CDH5: variants seen among roughly 807,000 people sequenced by gnomAD.
CDH5 encodes cadherin-5.
A neutral mutation model predicts 62.0 loss-of-function variants in CDH5; 28 were observed. The ratio of observed to expected loss-of-function variants is 0.45; its 90% CI spans 0.33 to 0.62. The LOEUF is 0.62. Among genes scored for constraint, CDH5 ranks in the 20% least tolerant of loss-of-function variants. CDH5 has a pLI of 0.02. For synonymous variants in CDH5, 464 were observed against 445.8 expected (o/e 1.04, Z -0.52); for missense variants, 940 against 1,065.1 (o/e 0.88, Z 1.63).
chr16:66,382,431 AT>A (rs1960913471), intron 2 of CDH5, among the ~76,000 whole-genome samples: 1 of 152,126 alleles, frequency 6.6e-6, no homozygotes, highest in African/African-American at 2.4e-5. Context: ...GAAAACCAGC[AT>A]TCCTGACTCT....
chr16:66,400,696 G>A (rs1222871501), intron 10 of CDH5, 75 bp from the exon 11 acceptor site: 2 of 1,589,216 alleles, frequency 1.3e-6, no homozygotes, highest in African/African-American at 1.3e-5. Flanking sequence ...CAGTCAGGGA[G>A]GGCTTCCTGG....
At chr16:66,385,765 A>C (rs2344565) in intron 2 of CDH5, among the ~76,000 whole-genome samples, 24,285 of 152,276 alleles carry the variant, frequency 0.16, 2,254 homozygotes, top group South Asian at 0.27. Flanking sequence ...CAAAACAATT[A>C]GGAAGCGATG....
At chr16:66,394,053 T>C (rs187054706) in intron 7 of CDH5, among the ~76,000 whole-genome samples, 9 of 152,298 alleles carry the variant, frequency 5.9e-5, no homozygotes, top group Non-Finnish European at 1.2e-4. Flanking sequence ...GTTTTTTTTG[T>C]TTTGCTTTAG....
At position 66,379,553 on chromosome 16, in the gene CDH5, G is replaced by T. The variant is rs1210366146; in HGVS notation, c.210+6G>T. 3 of 1,613,656 alleles carry T rather than the reference G, an allele frequency of 1.9e-6. No homozygotes were observed. The highest frequency in any genetic ancestry group is 2.2e-5 in the East Asian group (1 of 44,898). ...TTCCCCATCATGTAGGCAAGGTAAGGCTCAAGCCCCAGGACAGGAGAAGCC... is the reference window on the plus strand; with the variant it reads ...TTCCCCATCATGTAGGCAAGGTAAGTCTCAAGCCCCAGGACAGGAGAAGCC... On this transcript the variant is annotated splice_donor_region_variant and intron_variant, in intron 2 of 11. Transcript: ENST00000341529.
intron 2 of CDH5, among the ~76,000 whole-genome samples, chr16:66,386,418 C>T (rs1246393053): frequency 2.6e-5 from 4 of 152,162 alleles, no homozygotes; most frequent in African/African-American, 4.8e-5. Flanking sequence ...TGTCTACCCT[C>T]GCCCTCATCC....
intron 6 of CDH5, 90 bp downstream of exon 6, chr16:66,390,680 G>C (rs904620410): frequency 8.2e-7 from 1 of 1,214,612 alleles, no homozygotes; most frequent in South Asian, 1.4e-5. Flanking sequence ...CTGGGCCAGA[G>C]ACCATCAAAG....
In CDH5 at chr16:66,379,457, C is replaced by T; in HGVS notation, c.120C>T (p.Pro40=). 6.2e-7 allele frequency: 1 copy of T among 1,614,216 alleles called. No homozygotes were observed. The change falls in exon 2 of 12, where the codon CCC becomes CCT. Residue 40 remains proline (P), a synonymous_variant. Coordinates refer to ENST00000341529, the MANE Select transcript of CDH5 (RefSeq NM_001795.5). ...PAQRDTHSLL[P]THRRQKRDWI... ...AACGGGACACCCACAGCCTGCTGCC[C>T]ACCCACCGGCGCCAAAAGAGAGATT...
In CDH5 at chr16:66,402,675, C is replaced by T. The variant is rs201864402; in HGVS notation, c.1861C>T (p.Arg621Trp). The T allele has an allele frequency of 6.9e-6, 11 of 1,600,818 alleles. No individual in the cohort carries two copies. The East Asian group carries it at 2.0e-4, about 29-fold the overall frequency. ...AGTGATCACCCTGCTCATCTTCCTG[C>T]GGCGGCGGCTCCGGAAGCAGGCCCG... The part of the protein sequence containing the change: ...ITVITLLIFL[R>W]RRLRKQARAH... The change falls in exon 12 of 12, where the codon CGG (arginine) becomes TGG (tryptophan). Residue 621 changes from arginine (R) to tryptophan (W), a missense_variant. Physicochemically the swap from Arg to Trp is moderately radical, Grantham distance 101 (BLOSUM62 -3). Coordinates refer to ENST00000341529, the MANE Select transcript of CDH5 (RefSeq NM_001795.5).
At chr16:66,390,622 T>C in intron 6 of CDH5, 32 bp downstream of exon 6, 2 of 1,604,468 alleles carry the variant, frequency 1.2e-6, no homozygotes, top group Non-Finnish European at 1.7e-6. Flanking sequence ...ATGTCAAACG[T>C]GAGGCTTGGG....
At chr16:66,366,876 A>C (rs568405892) in intron 1 of CDH5, 118 bp downstream of exon 1, 2 of 152,268 alleles carry the variant, frequency 1.3e-5, no homozygotes, top group Non-Finnish European at 2.9e-5. Flanking sequence ...CATGACAGAG[A>C]GGCTCCTCGA....
At chr16:66,397,190 C>T (rs1961200504) in intron 8 of CDH5, among the ~76,000 whole-genome samples, 1 of 151,982 alleles carries the variant, frequency 6.6e-6, no homozygotes, top group Non-Finnish European at 1.5e-5. Context: ...TTTACTTAAC[C>T]TTATTCCAGA....
At chr16:66,393,873 G>A (rs1396815952) in intron 7 of CDH5, among the ~76,000 whole-genome samples, 1 of 152,060 alleles carries the variant, frequency 6.6e-6, no homozygotes, top group Non-Finnish European at 1.5e-5. Context: ...TCTTATTAAG[G>A]ACAAAATATG....
Position 66,397,063 on chromosome 16 carries a change from A to G in CDH5, c.1360+862A>G, listed in dbSNP as rs191802354. Reference sequence around the variant, plus strand: ...AAATACTCCTCCCACCAATGCCACCATGCAGAGACAGTTACTATTAGCACA... The same window carrying G: ...AAATACTCCTCCCACCAATGCCACCGTGCAGAGACAGTTACTATTAGCACA... On this transcript the variant is annotated intron_variant, in intron 8 of 11. Transcript: ENST00000341529. Among the ~76,000 whole-genome samples the G allele has an allele frequency of 1.6e-3, 240 of 152,338 alleles. 1 individual carries two copies. Among genetic ancestry groups the G allele is most frequent in the African/African-American group, 5.4e-3 (224 of 41,578 alleles).
intron 3 of CDH5, 45 bp from the exon 4 acceptor site, chr16:66,388,279 G>A (rs186085122): frequency 8.3e-6 from 10 of 1,211,076 alleles, no homozygotes; most frequent in Non-Finnish European, 1.2e-5. Flanking sequence ...GGGGTAAGGG[G>A]CCTAGCAGTC....
chr16:66,374,097 C>CT (rs1422187404), intron 1 of CDH5, among the ~76,000 whole-genome samples: 1 of 152,216 alleles, frequency 6.6e-6, no homozygotes, highest in Non-Finnish European at 1.5e-5. Flanking sequence ...CGCTACCTCT[C>CT]TGAGCCCCCA....
At position 66,402,953 on chromosome 16, in the gene CDH5, G is replaced by A. The variant is rs771613387; in HGVS notation, c.2139G>A (p.Lys713=). 1.9e-6 allele frequency: 3 copies of A among 1,612,702 alleles called. No homozygotes were observed. The highest frequency in any genetic ancestry group is 2.5e-6 in the Non-Finnish European group (3 of 1,179,932). ...GEMAAMIEVK[K]DEADHDGDGP... Reference sequence around the variant, plus strand: ...TGGCAGCCATGATCGAGGTGAAGAAGGACGAGGCGGACCACGACGGCGACG... The same window carrying A: ...TGGCAGCCATGATCGAGGTGAAGAAAGACGAGGCGGACCACGACGGCGACG... The change falls in exon 12 of 12, where the codon AAG becomes AAA. Residue 713 remains lysine, a synonymous_variant. Coordinates refer to ENST00000341529, the MANE Select transcript of CDH5 (RefSeq NM_001795.5).
At chr16:66,392,410 G>A in intron 7 of CDH5, 27 bp downstream of exon 7, 2 of 1,612,710 alleles carry the variant, frequency 1.2e-6, no homozygotes, top group Non-Finnish European at 1.7e-6. Flanking sequence ...CGATGAGAAT[G>A]ATAAGGACAA....
chr16:66,381,889 A>G (rs7404339), intron 2 of CDH5, among the ~76,000 whole-genome samples: 89,330 of 152,172 alleles, frequency 0.59, 26,748 homozygotes, highest in East Asian at 0.81. Context: ...CCATAAGGCT[A>G]CAAATATTTG....
rs572777692 is a variant in CDH5 at position 66,397,907 on chromosome 16, T to G, written c.1361-75T>G. The G allele has an allele frequency of 2.5e-5, 40 of 1,593,230 alleles. No individual in the cohort carries two copies. In the Middle Eastern group the frequency reaches 8.3e-4, roughly 33 times the overall value. On this transcript the variant is annotated intron_variant, in intron 8 of 11. Coordinates refer to ENST00000341529, the MANE Select transcript of CDH5 (RefSeq NM_001795.5). ...AAAAGTGGCCTCCATAGGGCAGCCC[T>G]CCTTCCACACATCTTCCACCGCCCA...
Sources: gnomAD v4.1 joint callset for allele counts (sites outside exome capture counted in the v4.1 genomes callset) on GRCh38, gnomAD v4.1.1 for gene constraint, MANE v1.5 for transcripts, NCBI Gene and HGNC (gene_info 2026-07-23, HGNC 2026-07-21) for gene names.